ABLIM1: variants seen among roughly 807,000 people sequenced by gnomAD.
ABLIM1 encodes the protein actin-binding LIM protein 1.
Under a neutral mutation model 107.0 loss-of-function variants are expected in ABLIM1, and 40 were observed. That is an observed-to-expected ratio of 0.37 (90% CI 0.29 to 0.49). The LOEUF is 0.49. Among genes scored for constraint, ABLIM1 ranks in the 20% least tolerant of loss-of-function variants. The pLI, the probability that ABLIM1 is intolerant of heterozygous loss-of-function variation, is 0.97. For synonymous variants in ABLIM1, 357 were observed against 357.3 expected (o/e 1.00, Z 0.01); for missense variants, 857 against 1,008.5 (o/e 0.85, Z 2.04).
chr10:114,614,130 A>G (rs1420219484), intron 1 of ABLIM1, among the ~76,000 whole-genome samples: 1 of 152,180 alleles, frequency 6.6e-6, no homozygotes, highest in Non-Finnish European at 1.5e-5. Flanking sequence ...AAATCCCTCC[A>G]TGGAACTCCT....
chr10:114,577,379 A>C (rs2072731597), intron 2 of ABLIM1, among the ~76,000 whole-genome samples: 1 of 152,180 alleles, frequency 6.6e-6, no homozygotes, highest in South Asian at 2.1e-4. Flanking sequence ...ACAACAATGC[A>C]TCCAGACTAC....
In ABLIM1 at chr10:114,457,809, T is replaced by C. The variant is rs575884101; in HGVS notation, c.1442-4326A>G. Among the ~76,000 whole-genome samples, 12 of 152,336 alleles carry C rather than the reference T, an allele frequency of 7.9e-5. No homozygotes were observed. The South Asian group carries it at 2.1e-3, about 26-fold the overall frequency. On this transcript the variant is annotated intron_variant, in intron 12 of 22. Transcript: ENST00000533213. Reference sequence around the variant, plus strand: ...GGCCGGGCATGGGCATGATGGCTTATGCCTGAAATCCCAGCACTTTGGGAG... The same window carrying C: ...GGCCGGGCATGGGCATGATGGCTTACGCCTGAAATCCCAGCACTTTGGGAG...
At chr10:114,717,358 C>A (rs991050913) in intron 1 of ABLIM1, among the ~76,000 whole-genome samples, 2 of 152,128 alleles carry the variant, frequency 1.3e-5, no homozygotes, top group African/African-American at 4.8e-5. Context: ...AGACTGAAAT[C>A]ATGTAGGGAG....
intron 1 of ABLIM1, among the ~76,000 whole-genome samples, chr10:114,627,580 G>A (rs1228548137): frequency 1.3e-5 from 2 of 152,054 alleles, no homozygotes; most frequent in Non-Finnish European, 2.9e-5. Context: ...TGACCAAAAT[G>A]GGGCTTACAG....
chr10:114,771,742 A>C (rs1316141216), upstream of ABLIM1, among the ~76,000 whole-genome samples: 2 of 152,214 alleles, frequency 1.3e-5, no homozygotes, highest in Non-Finnish European at 2.9e-5. Flanking sequence ...AGTAAATGCC[A>C]CTTTTTAAAG....
At chr10:114,689,415 G>A (rs2081022845), upstream of ABLIM1, among the ~76,000 whole-genome samples, 1 of 147,560 alleles carries the variant, frequency 6.8e-6, no homozygotes, top group Admixed American at 6.8e-5. Flanking sequence ...AGGCTGGAGT[G>A]CAGTGGCTCG....
intron 1 of ABLIM1, among the ~76,000 whole-genome samples, chr10:114,603,953 CAA>C (rs56037072): frequency 6.4e-4 from 84 of 131,358 alleles, no homozygotes; most frequent in African/African-American, 2.3e-3. Flanking sequence ...GACTTTGTCT[CAA>C]AAAAAAAAAA....
the ABLIM1 span, among the ~76,000 whole-genome samples, chr10:114,773,615 A>G: frequency 1.3e-5 from 2 of 152,100 alleles, no homozygotes; most frequent in Non-Finnish European, 2.9e-5. Flanking sequence ...CCAGCTACTC[A>G]GGAGGCTGAG....
At chr10:114,487,487 A>C (rs905198879) in intron 8 of ABLIM1, among the ~76,000 whole-genome samples, 10 of 152,200 alleles carry the variant, frequency 6.6e-5, no homozygotes, top group Non-Finnish European at 1.0e-4. Flanking sequence ...TATTTTCCCC[A>C]AAGGTTTTAT....
chr10:114,496,851 C>T (rs1643945939), intron 6 of ABLIM1, among the ~76,000 whole-genome samples: 2 of 152,012 alleles, frequency 1.3e-5, no homozygotes, highest in South Asian at 2.1e-4. Flanking sequence ...TTGAGAGGCT[C>T]CAGGGTCAGA....
intron 2 of ABLIM1, among the ~76,000 whole-genome samples, chr10:114,579,110 T>G (rs1040425513): frequency 1.3e-5 from 2 of 152,156 alleles, no homozygotes; most frequent in Non-Finnish European, 2.9e-5. Flanking sequence ...CTTTGATCCA[T>G]TCCCTCCTCT....
Position 114,468,236 on chromosome 10 carries a change from T to A in ABLIM1, c.1276-20A>T, listed in dbSNP as rs778897297. The A allele has an allele frequency of 6.2e-6, 10 of 1,609,964 alleles. No individual in the cohort carries two copies. The highest frequency in any genetic ancestry group is 1.7e-5 in the Admixed American group (1 of 59,988). ...CGGAGACTAGAAAAATAAAAGAGAA[T>A]TTAAAGTCACAATGTTTGTTAACTC... On this transcript the variant is annotated intron_variant, in intron 10 of 22. Transcript: ENST00000533213.
the ABLIM1 span, among the ~76,000 whole-genome samples, chr10:114,785,549 G>A: frequency 6.6e-6 from 1 of 151,910 alleles, no homozygotes; most frequent in African/African-American, 2.4e-5. Flanking sequence ...TGGGTAGGGG[G>A]GCATGGGTGT....
chr10:114,704,271 G>GCTCCCTCTCT (rs1555225982), intron 1 of ABLIM1, among the ~76,000 whole-genome samples: 1 of 40,958 alleles, frequency 2.4e-5, no homozygotes, highest in African/African-American at 7.3e-5. Flanking sequence ...TCTCTCTCTC[G>GCTCCCTCTCT]CTCTCTCTCT....
intron 1 of ABLIM1, among the ~76,000 whole-genome samples, chr10:114,622,517 T>C (rs2077535689): frequency 6.6e-6 from 1 of 152,126 alleles, no homozygotes; most frequent in African/African-American, 2.4e-5. Flanking sequence ...AAATTGCTGG[T>C]ATTATAGGTA....
chr10:114,527,805 C>CA (rs2065002611), intron 6 of ABLIM1, among the ~76,000 whole-genome samples: 1 of 151,442 alleles, frequency 6.6e-6, no homozygotes, highest in Non-Finnish European at 1.5e-5. Context: ...GCTGGGATTA[C>CA]AGGTGTGAGC....
At chr10:114,567,908 C>T (rs980232514) in intron 4 of ABLIM1, among the ~76,000 whole-genome samples, 1 of 152,150 alleles carries the variant, frequency 6.6e-6, no homozygotes, top group Non-Finnish European at 1.5e-5. Flanking sequence ...AGGCTACTTT[C>T]GGCCGGGCGC....
intron 1 of ABLIM1, among the ~76,000 whole-genome samples, chr10:114,758,770 C>T (rs2082684013): frequency 6.6e-6 from 1 of 152,160 alleles, no homozygotes; most frequent in African/African-American, 2.4e-5. Flanking sequence ...ACCCTGGACA[C>T]AGCCTAAAGT....
rs2058989258 is a variant in ABLIM1, at chr10:114,432,773, C to G, written c.*3487G>C. 1 of 152,004 alleles carries G rather than the reference C, an allele frequency of 6.6e-6. No individual in the cohort carries two copies. The highest frequency in any genetic ancestry group is 1.5e-5 in the Non-Finnish European group (1 of 68,022). 9.4% of individuals were successfully genotyped at this position (152,004 alleles called of 1,614,324 possible). On this transcript the variant is annotated 3_prime_UTR_variant, in exon 23 of 23. Coordinates refer to ENST00000533213, the MANE Select transcript of ABLIM1 (RefSeq NM_002313.7). ...GCGGAGTAGATGCTAGAGCCCATGA[C>G]AGATAGAAAACTACCCCCATTTAAA...
Sources: gnomAD v4.1 joint callset for allele counts (sites outside exome capture counted in the v4.1 genomes callset) on GRCh38, gnomAD v4.1.1 for gene constraint, MANE v1.5 for transcripts, NCBI Gene and HGNC (gene_info 2026-07-23, HGNC 2026-07-21) for gene names.